The following SCN11A variants were observed in gnomAD, a reference collection of about 807,000 sequenced individuals.
The protein encoded by SCN11A is sodium channel protein type 11 subunit alpha.
A neutral mutation model predicts 162.2 loss-of-function variants in SCN11A; 122 were observed. The observed-to-expected ratio is 0.75, with a 90% CI of 0.65 to 0.87. The LOEUF (loss-of-function observed/expected upper bound fraction) is 0.87. Among genes scored for constraint, SCN11A ranks in the 40% least tolerant of loss-of-function variants. The pLI is 0.00. For synonymous variants in SCN11A, 758 were observed against 751.5 expected, an observed-to-expected ratio of 1.01 and a Z score of -0.14; for missense variants, 2,015 against 2,181.6, an observed-to-expected ratio of 0.92 and a Z score of 1.52.
At chr3:39,045,143 T>C (rs2032152519) in intron 1 of SCN11A, among the ~76,000 whole-genome samples, 1 of 152,128 alleles carries the variant, frequency 6.6e-6, no homozygotes, top group Non-Finnish European at 1.5e-5. Flanking sequence ...AATGAGATTG[T>C]GGGAGAAATA....
chr3:38,953,186 T>G (rs2066642406), intron 4 of SCN11A, among the ~76,000 whole-genome samples: 1 of 152,032 alleles, frequency 6.6e-6, no homozygotes, highest in Non-Finnish European at 1.5e-5. Flanking sequence ...ATGTTCTCAC[T>G]TATAAGTGGG....
In SCN11A at chr3:38,997,897, G is replaced by T. The variant is rs545350269; in HGVS notation, c.-280+34483C>A. ...ATGCCTGTTAAGGTACATGTTTATG[G>T]ATTAATACTTTTAATTCAAGATATC... On this transcript the variant is annotated intron_variant, in intron 2 of 29. Transcript: ENST00000302328. 7.9e-5 allele frequency among the ~76,000 whole-genome samples: 12 copies of T among 152,230 alleles called. No individual in the cohort carries two copies. In the South Asian group the frequency reaches 2.3e-3, roughly 29 times the overall value.
At position 38,936,668 on chromosome 3, in the gene SCN11A, C is replaced by T. The variant is rs1403152983; in HGVS notation, c.488+8743G>A. 4.5e-4 allele frequency among the ~76,000 whole-genome samples: 68 copies of T among 151,810 alleles called. No homozygotes were observed. The Middle Eastern group carries it at 0.01, about 23-fold the overall frequency. On this transcript the variant is annotated intron_variant, in intron 7 of 29. Coordinates refer to ENST00000302328, the MANE Select transcript of SCN11A (RefSeq NM_001349253.2). ...ACCTAGGAATCCAACTTACAAGGGA[C>T]GTGAAGGACCTCTTCAAGGAGAACT...
Position 38,885,392 on chromosome 3 carries a change from A to C in SCN11A, c.2960T>G (p.Val987Gly). ...GCTACATTCTGATAGTATACTGGTA[A>C]CATCAGACTTCTGCACATCAGAACA... Reference protein sequence around the residue: ...TIQDPRKKSDVTSILSECSTI... With the variant: ...TIQDPRKKSDGTSILSECSTI... Residue 987 changes from valine (V) to glycine (G), a missense_variant, in exon 21 of 30, where the codon GTT (valine) becomes GGT (glycine). By Grantham distance (109) the Val-to-Gly change is moderately radical (BLOSUM62 -3). Transcript: ENST00000302328. 1 of 1,591,260 alleles carries C rather than the reference A, an allele frequency of 6.3e-7. No homozygotes were observed. The highest frequency in any genetic ancestry group is 1.1e-5 in the South Asian group (1 of 90,576).
chr3:38,981,021 C>T (rs2030017595), intron 2 of SCN11A, among the ~76,000 whole-genome samples: 1 of 151,898 alleles, frequency 6.6e-6, no homozygotes, highest in Non-Finnish European at 1.5e-5. Context: ...CAGTATCTCA[C>T]TCTGTTTGTC....
chr3:38,869,747 C>A (rs2065095583), intron 26 of SCN11A, among the ~76,000 whole-genome samples: 1 of 152,158 alleles, frequency 6.6e-6, no homozygotes, highest in African/African-American at 2.4e-5. Flanking sequence ...AAATCTGAAA[C>A]TTTTTGAATG....
chr3:38,926,587 G>A (rs900533881), intron 8 of SCN11A, among the ~76,000 whole-genome samples: 8 of 151,470 alleles, frequency 5.3e-5, no homozygotes, highest in African/African-American at 1.9e-4. Flanking sequence ...GAAGGAACAC[G>A]AACTTGAGTG....
chr3:38,910,300 G>A (rs2065869367), intron 11 of SCN11A, 93 bp from the exon 12 acceptor site: 1 of 1,307,928 alleles, frequency 7.6e-7, no homozygotes, highest in Non-Finnish European at 1.1e-6. Context: ...AAGGGCTGTG[G>A]GATCACACCA....
chr3:38,934,554 C>T (rs1263562043), intron 7 of SCN11A, among the ~76,000 whole-genome samples: 1 of 151,382 alleles, frequency 6.6e-6, no homozygotes, highest in Non-Finnish European at 1.5e-5. Flanking sequence ...AAATGGAAAA[C>T]AAAAAAAGGC....
intron 1 of SCN11A, among the ~76,000 whole-genome samples, chr3:39,045,084 A>C (rs2032151507): frequency 6.6e-6 from 1 of 152,192 alleles, no homozygotes; most frequent in Non-Finnish European, 1.5e-5. Flanking sequence ...GCAACCTACC[A>C]AAATTGGATC....
chr3:38,949,224 C>T (rs941331941), intron 5 of SCN11A, among the ~76,000 whole-genome samples: 1 of 152,198 alleles, frequency 6.6e-6, no homozygotes, highest in African/African-American at 2.4e-5. Context: ...GATCACACTG[C>T]GAGGTGATGA....
At chr3:39,027,325 T>G (rs751379119) in intron 2 of SCN11A, among the ~76,000 whole-genome samples, 4 of 152,206 alleles carry the variant, frequency 2.6e-5, no homozygotes, top group Non-Finnish European at 4.4e-5. Context: ...TCCTTCAGTT[T>G]TATTAAACCA....
chr3:38,853,499 AATTCT>A (rs1343256327), intron 28 of SCN11A, among the ~76,000 whole-genome samples: 1 of 152,202 alleles, frequency 6.6e-6, no homozygotes, highest in Non-Finnish European at 1.5e-5. Context: ...ATAAAAGATA[AATTCT>A]AAATCCTTGG....
In SCN11A at chr3:38,885,395, TC is replaced by T; in HGVS notation, c.2956del (p.Asp986MetfsTer67). On this transcript the variant is annotated frameshift_variant, in exon 21 of 30. Coordinates refer to ENST00000302328, the MANE Select transcript of SCN11A (RefSeq NM_001349253.2). LOFTEE classifies it high-confidence loss of function. ...ACATTCTGATAGTATACTGGTAACA[TC>T]AGACTTCTGCACATCAGAACAAAAC... is the stretch of plus-strand genomic sequence containing the variant. ...LTIQDPRKKSDVTSILSECST... is the reference protein window; with the variant it reads ...LTIQDPRKKSXVTSILSECST... 1.3e-6 allele frequency: 2 copies of T among 1,591,088 alleles called. No homozygotes were observed. Among genetic ancestry groups the T allele is most frequent in the Admixed American group, 1.7e-5 (1 of 59,978 alleles).
intron 23 of SCN11A, among the ~76,000 whole-genome samples, chr3:38,879,639 T>C (rs2065275158): frequency 6.6e-6 from 1 of 152,176 alleles, no homozygotes; most frequent in African/African-American, 2.4e-5. Context: ...AAATCGAGGA[T>C]ACTGAAAGTT....
intron 28 of SCN11A, among the ~76,000 whole-genome samples, chr3:38,856,806 C>T (rs1416139462): frequency 6.6e-6 from 1 of 152,182 alleles, no homozygotes; most frequent in Non-Finnish European, 1.5e-5. Flanking sequence ...CCATAGGAGA[C>T]AGTGAACTTG....
At chr3:38,944,262 CT>C (rs1409832970) in intron 7 of SCN11A, among the ~76,000 whole-genome samples, 1 of 151,956 alleles carries the variant, frequency 6.6e-6, no homozygotes. Context: ...TTGATACAAA[CT>C]TTTTGGAAAA....
intron 20 of SCN11A, 52 bp from the exon 21 acceptor site, chr3:38,885,454 A>AGCTCTCCCTCTCCCTCTCCCTCT: frequency 1.0e-6 from 1 of 961,580 alleles, no homozygotes; most frequent in Non-Finnish European, 1.7e-6. Flanking sequence ...ACCTTCTTTC[A>AGCTCTCCCTCTCCCTCTCCCTCT]CCATAGTAGT....
intron 2 of SCN11A, among the ~76,000 whole-genome samples, chr3:38,992,116 T>C (rs2030471184): frequency 6.6e-6 from 1 of 152,224 alleles, no homozygotes; most frequent in Non-Finnish European, 1.5e-5. Context: ...GCCAGTCTGT[T>C]CTTTAGATTG....
Sources: gnomAD v4.1 joint callset for allele counts (sites outside exome capture counted in the v4.1 genomes callset) on GRCh38, gnomAD v4.1.1 for gene constraint, MANE v1.5 for transcripts, NCBI Gene and HGNC (gene_info 2026-07-23, HGNC 2026-07-21) for gene names.